The following DGKD variants were observed in gnomAD, a reference collection of about 807,000 sequenced individuals.
DGKD encodes the protein diacylglycerol kinase delta.
DGKD carries 68 observed loss-of-function variants against 154.4 expected under a neutral mutation model. That is an observed-to-expected ratio of 0.44 (90% CI 0.36 to 0.54). The LOEUF (loss-of-function observed/expected upper bound fraction) is 0.54, where lower values mean the gene tolerates loss of function less well. Ranked by LOEUF, DGKD falls within the 20% of genes least tolerant of loss-of-function variation. DGKD has a pLI of 0.00. For missense variants in DGKD, 1,343 were observed against 1,593.6 expected, an observed-to-expected ratio of 0.84 and a Z score of 2.68; for synonymous variants, 693 against 638.0, an observed-to-expected ratio of 1.09 and a Z score of -1.30.
At chr2:233,411,941 T>A (rs190123835) in intron 3 of DGKD, among the ~76,000 whole-genome samples, 1 of 152,356 alleles carries the variant, frequency 6.6e-6, no homozygotes, top group African/African-American at 2.4e-5. Flanking sequence ...TTTTTGAGTC[T>A]CTTTCCAGAT....
Position 233,448,090 on chromosome 2 carries a change from C to T in DGKD, c.1423C>T (p.Gln475Ter). 6.2e-7 allele frequency: 1 copy of T among 1,614,054 alleles called. No homozygotes were observed. Among genetic ancestry groups the T allele is most frequent in the African/African-American group, 1.3e-5 (1 of 75,022 alleles). Residue 475 changes from glutamine to a stop codon, truncating the protein, a stop_gained, in exon 13 of 30, where the codon CAG becomes TAG. Coordinates refer to ENST00000264057, the MANE Select transcript of DGKD (RefSeq NM_152879.3). LOFTEE classifies it high-confidence loss of function. The part of the protein sequence containing the change: ...TEDFSEDSEV[Q>*]QILFYEDSVA... ...TGGCCATTTGGGGTGATTGCAGGTACAGCAGATTCTCTTCTATGAAGACTC... is the reference window on the plus strand; with the variant it reads ...TGGCCATTTGGGGTGATTGCAGGTATAGCAGATTCTCTTCTATGAAGACTC...
In DGKD at chr2:233,471,623, G is replaced by A. The variant is rs1330267995; in HGVS notation, c.*2163G>A. ...CCCAAGTCCTCAGTGTCCTACTCCT[G>A]GCAAGGAGTTGGGTTTGGATCAAAA... is the stretch of plus-strand genomic sequence containing the variant. On this transcript the variant is annotated 3_prime_UTR_variant, in exon 30 of 30. Coordinates refer to ENST00000264057, the MANE Select transcript of DGKD (RefSeq NM_152879.3). 1 of 152,370 alleles carries A rather than the reference G, an allele frequency of 6.6e-6. No homozygotes were observed. The highest frequency in any genetic ancestry group is 2.4e-5 in the African/African-American group (1 of 41,446). The allele number at this position is 152,370 out of a possible 1,614,324, so 9.4% of individuals were successfully genotyped here. A position where few individuals can be genotyped will look rare whatever the true frequency, so the allele number is the denominator to read the frequency against.
intron 2 of DGKD, 31 bp downstream of exon 2, chr2:233,388,398 G>A: frequency 6.3e-7 from 1 of 1,590,674 alleles, no homozygotes; most frequent in South Asian, 1.1e-5. Flanking sequence ...GCACACGCGA[G>A]GACATCACAG....
intron 3 of DGKD, among the ~76,000 whole-genome samples, chr2:233,409,797 T>G (rs2061779896): frequency 7.0e-6 from 1 of 142,174 alleles, no homozygotes; most frequent in Non-Finnish European, 1.5e-5. Context: ...GTTTTTTTTT[T>G]TTTTTTTTTT....
At chr2:233,435,667 A>G (rs528342698) in intron 5 of DGKD, 151 bp from the exon 6 acceptor site, 5 of 583,794 alleles carry the variant, frequency 8.6e-6, no homozygotes, top group Non-Finnish European at 1.4e-5. Context: ...TCAGCCTCTA[A>G]GCGTATCACA....
chr2:233,468,505 C>T lies in DGKD; in HGVS notation c.3507C>T (p.His1169=), dbSNP rs199988457. The change falls in exon 29 of 30, where the codon CAC becomes CAT. Residue 1169 remains histidine, a synonymous_variant. Transcript: ENST00000264057. The part of the protein sequence containing the change: ...LCEYKDIFTR[H]DIRGSELLHL... The stretch of plus-strand genomic sequence containing the variant: ...AGTATAAGGACATCTTCACACGGCA[C>T]GACATCCGGGGCTCTGAGCTCCTGC... The T allele has an allele frequency of 5.1e-5, 82 of 1,613,738 alleles. No individual in the cohort carries two copies. The highest frequency in any genetic ancestry group is 3.6e-4 in the East Asian group (16 of 44,868).
chr2:233,399,865 A>C (rs948161898), intron 3 of DGKD, among the ~76,000 whole-genome samples: 1 of 152,124 alleles, frequency 6.6e-6, no homozygotes, highest in East Asian at 1.9e-4. Flanking sequence ...ATGGGGCCTG[A>C]GGAGAGCCAT....
Position 233,436,424 on chromosome 2 carries a change from C to G in DGKD, c.802C>G (p.Leu268Val). Reference protein sequence around the residue: ...SVLRLQDWRCLWCKAMVHTSC... With the variant: ...SVLRLQDWRCVWCKAMVHTSC... The stretch of plus-strand genomic sequence containing the variant: ...GCTGCGCCTGCAGGACTGGCGCTGC[C>G]TCTGGTGCAAGGCCATGGTGAGTGT... Residue 268 changes from leucine (L) to valine (V), a missense_variant, in exon 7 of 30, where the codon CTC (leucine) becomes GTC (valine). Transcript: ENST00000264057. 1 of 1,613,384 alleles carries G rather than the reference C, an allele frequency of 6.2e-7. No homozygotes were observed. The highest frequency in any genetic ancestry group is 8.5e-7 in the Non-Finnish European group (1 of 1,179,990).
At chr2:233,406,530 T>C (rs1337476021) in intron 3 of DGKD, among the ~76,000 whole-genome samples, 3 of 152,216 alleles carry the variant, frequency 2.0e-5, no homozygotes, top group African/African-American at 7.2e-5. Context: ...TGTCTCCTGT[T>C]GTTGGACGGG....
At position 233,449,030 on chromosome 2, in the gene DGKD, G is replaced by A. The variant is rs1026908193; in HGVS notation, c.1615-73G>A. On this transcript the variant is annotated intron_variant, in intron 14 of 29. Transcript: ENST00000264057. The surrounding 1 kb of genome is among the most constrained non-coding windows in gnomAD (Gnocchi z 5.3). Reference sequence around the variant, plus strand: ...GAGTTCTAGGAAGTCTGGGTGAAATGGCCTGAGGTTCCCTGCCTGCAGACC... The same window carrying A: ...GAGTTCTAGGAAGTCTGGGTGAAATAGCCTGAGGTTCCCTGCCTGCAGACC... 11 of 1,499,074 alleles carry A rather than the reference G, an allele frequency of 7.3e-6. No individual in the cohort carries two copies. The highest frequency in any genetic ancestry group is 6.9e-5 in the African/African-American group (5 of 71,944). The allele number at this position is 1,499,074 out of a possible 1,614,324, so 92.9% of individuals were successfully genotyped here.
At chr2:233,389,662 C>A (rs1320572921) in intron 2 of DGKD, among the ~76,000 whole-genome samples, 5 of 151,570 alleles carry the variant, frequency 3.3e-5, no homozygotes, top group Admixed American at 2.6e-4. Flanking sequence ...GATTGAGTTT[C>A]TTTTCTGAGT....
intron 1 of DGKD, among the ~76,000 whole-genome samples, chr2:233,387,100 G>A (rs537575162): frequency 1.3e-5 from 2 of 152,336 alleles, no homozygotes; most frequent in South Asian, 2.1e-4. Flanking sequence ...AGTGTTCTGC[G>A]CTTGCATTCT....
intron 1 of DGKD, among the ~76,000 whole-genome samples, chr2:233,371,987 ATTT>A (rs1179272008): frequency 6.6e-6 from 1 of 152,166 alleles, no homozygotes; most frequent in Non-Finnish European, 1.5e-5. Flanking sequence ...GCATTTCAGA[ATTT>A]TTACTGCCAT....
rs566365764 is a variant in DGKD, at chr2:233,405,540, A to G, written c.348+15057A>G. Reference sequence around the variant, plus strand: ...TCTAAAAAAAAAAAAAAGAAAGAAAAAAAAAGAGGTGATCAGGCCAGGAGG... The same window carrying G: ...TCTAAAAAAAAAAAAAAGAAAGAAAGAAAAAGAGGTGATCAGGCCAGGAGG... On this transcript the variant is annotated intron_variant, in intron 3 of 29. Coordinates refer to ENST00000264057, the MANE Select transcript of DGKD (RefSeq NM_152879.3). 2.1e-3 allele frequency among the ~76,000 whole-genome samples: 314 copies of G among 152,072 alleles called. 2 individuals carry two copies. The highest frequency in any genetic ancestry group is 3.7e-3 in the Non-Finnish European group (254 of 67,952).
intron 1 of DGKD, among the ~76,000 whole-genome samples, chr2:233,380,634 C>G (rs571118760): frequency 6.6e-6 from 1 of 152,256 alleles, no homozygotes; most frequent in Admixed American, 6.5e-5. Context: ...ACCCCCAGTT[C>G]AGAAACAAGG....
In DGKD at chr2:233,469,802, T is replaced by C. The variant is rs2124979850; in HGVS notation, c.*342T>C. On this transcript the variant is annotated 3_prime_UTR_variant, in exon 30 of 30. Transcript: ENST00000264057. ...GGCGTCTGGCCTCCTGGGCACTGCT[T>C]GCCTGGCCTCGTGCTTGGATTGTCC... 1 of 263,284 alleles carries C rather than the reference T, an allele frequency of 3.8e-6. No homozygotes were observed. Among genetic ancestry groups the C allele is most frequent in the East Asian group, 9.0e-5 (1 of 11,118 alleles). The allele number at this position is 263,284 out of a possible 1,614,324, so 16.3% of individuals were successfully genotyped here.
intron 3 of DGKD, among the ~76,000 whole-genome samples, chr2:233,406,081 G>C (rs2061678854): frequency 6.6e-6 from 1 of 152,140 alleles, no homozygotes; most frequent in African/African-American, 2.4e-5. Flanking sequence ...CCCAGCTCCT[G>C]GTAATTCCAG....
chr2:233,449,870 T>G lies in DGKD; in HGVS notation c.1889-112T>G. The G allele has an allele frequency of 3.9e-6, 5 of 1,283,540 alleles. No homozygotes were observed. Among genetic ancestry groups the G allele is most frequent in the South Asian group, 1.6e-5 (1 of 61,208 alleles). 79.5% of individuals were successfully genotyped at this position (1,283,540 alleles called of 1,614,324 possible). ...CGGAGTCCAAGCCTTTAGCCAGAGG[T>G]TGTTTGAGGAAGATCAGGCCGTGGG... On this transcript the variant is annotated intron_variant, in intron 15 of 29. Transcript: ENST00000264057. The surrounding 1 kb of genome is among the most constrained non-coding windows in gnomAD (Gnocchi z 5.3).
At chr2:233,396,005 A>T (rs1704001241) in intron 3 of DGKD, among the ~76,000 whole-genome samples, 1 of 152,240 alleles carries the variant, frequency 6.6e-6, no homozygotes, top group Non-Finnish European at 1.5e-5. Context: ...AAAATGAAAA[A>T]GGACTGAAGA....
Sources: gnomAD v4.1 joint callset for allele counts (sites outside exome capture counted in the v4.1 genomes callset) on GRCh38, gnomAD v4.1.1 for gene constraint, Gnocchi (gnomAD v3.1) non-coding constraint, MANE v1.5 for transcripts, NCBI Gene and HGNC (gene_info 2026-07-23, HGNC 2026-07-21) for gene names.